FREM1: variants seen among roughly 807,000 people sequenced by gnomAD.
FREM1 encodes the protein FRAS1 related extracellular matrix 1.
A neutral mutation model predicts 210.1 loss-of-function variants in FREM1; 220 were observed. The ratio of observed to expected loss-of-function variants is 1.05; its 90% CI spans 0.94 to 1.17. FREM1 has a LOEUF of 1.17. FREM1 is among the 50% of genes most tolerant of loss of function. FREM1 has a pLI of 0.00. For missense variants in FREM1, 3,454 were observed against 2,675.5 expected (o/e 1.29, Z -6.42); for synonymous variants, 1,189 against 980.2 (o/e 1.21, Z -3.98).
chr9:14,752,405 T>C (rs902031608), intron 29 of FREM1, among the ~76,000 whole-genome samples: 1 of 151,246 alleles, frequency 6.6e-6, no homozygotes, highest in East Asian at 1.9e-4. Context: ...AGAGGTTACA[T>C]GGGTGGACAG....
chr9:14,760,993 G>C (rs1845398094), intron 27 of FREM1, among the ~76,000 whole-genome samples: 1 of 152,104 alleles, frequency 6.6e-6, no homozygotes, highest in Admixed American at 6.5e-5. Context: ...CTTAGTGGTT[G>C]CCTTACTTGT....
chr9:14,759,674 T>G, intron 28 of FREM1, 98 bp downstream of exon 28: 2 of 1,195,468 alleles, frequency 1.7e-6, no homozygotes, highest in Middle Eastern at 2.1e-4. Flanking sequence ...ATTTGAAATT[T>G]CCTTGGTCAC....
At chr9:14,852,525 A>C (rs180800061) in intron 5 of FREM1, among the ~76,000 whole-genome samples, 26 of 152,246 alleles carry the variant, frequency 1.7e-4, no homozygotes, top group Admixed American at 3.9e-4. Context: ...CTATCTCTAC[A>C]AAAAAAGTAA....
chr9:14,878,682 C>G (rs10810281), intron 1 of FREM1, among the ~76,000 whole-genome samples: 3 of 152,112 alleles, frequency 2.0e-5, no homozygotes, highest in Admixed American at 6.5e-5. Context: ...ATGTCCCTCA[C>G]GAAGATGTTA....
intron 8 of FREM1, among the ~76,000 whole-genome samples, chr9:14,844,471 G>C (rs59624633): frequency 1.3e-5 from 2 of 151,898 alleles, no homozygotes; most frequent in Admixed American, 1.3e-4. Context: ...GTGATCTGCC[G>C]GTCTCGGCCT....
intron 23 of FREM1, among the ~76,000 whole-genome samples, chr9:14,786,172 C>G (rs1012348641): frequency 6.6e-6 from 1 of 152,140 alleles, no homozygotes; most frequent in Admixed American, 6.5e-5. Context: ...AATGAGGAAG[C>G]TAAGGTATAG....
chr9:14,787,184 CTT>C (rs1850551893), intron 23 of FREM1, among the ~76,000 whole-genome samples: 1 of 152,154 alleles, frequency 6.6e-6, no homozygotes, highest in African/African-American at 2.4e-5. Flanking sequence ...AAATCTAACT[CTT>C]TAGTATAGTC....
At chr9:14,909,161 A>T (rs1818300879) in intron 1 of FREM1, among the ~76,000 whole-genome samples, 1 of 152,204 alleles carries the variant, frequency 6.6e-6, no homozygotes, top group Non-Finnish European at 1.5e-5. Flanking sequence ...TTTGTAATGC[A>T]CACCAAGCAA....
Position 14,792,611 on chromosome 9 carries a change from T to C in FREM1, c.3981+132A>G, listed in dbSNP as rs1851622066. On this transcript the variant is annotated intron_variant, in intron 22 of 36. Coordinates refer to ENST00000380880, the MANE Select transcript of FREM1 (RefSeq NM_001379081.2). Reference sequence around the variant, plus strand: ...ACAGCATGAATTCACCCTGAACTAGTAAAATTAAATTTTCTACTTCTAGGC... The same window carrying C: ...ACAGCATGAATTCACCCTGAACTAGCAAAATTAAATTTTCTACTTCTAGGC... 5 of 646,228 alleles carry C rather than the reference T, an allele frequency of 7.7e-6. No homozygotes were observed. In the East Asian group the frequency reaches 1.5e-4, roughly 19 times the overall value. 40.0% of individuals were successfully genotyped at this position (646,228 alleles called of 1,614,324 possible). A position where few individuals can be genotyped will look rare whatever the true frequency, so the allele number is the denominator to read the frequency against.
At position 14,769,840 on chromosome 9, in the gene FREM1, T is replaced by C. The variant is rs1430074400; in HGVS notation, c.5088A>G (p.Gln1696=). ...TGEFIHEKFS[Q]KDLNSKTILY... The stretch of plus-strand genomic sequence containing the variant: ...GAATAGTCTTACTGTTTAAGTCCTT[T>C]TGGCTAAATTTCTCATGGATAAATT... The change falls in exon 27 of 37, where the codon CAA becomes CAG. Residue 1696 remains glutamine (Q), a synonymous_variant. Coordinates refer to ENST00000380880, the MANE Select transcript of FREM1 (RefSeq NM_001379081.2). 1 of 1,568,406 alleles carries C rather than the reference T, an allele frequency of 6.4e-7. No homozygotes were observed. Among genetic ancestry groups the C allele is most frequent in the East Asian group, 2.3e-5 (1 of 43,172 alleles).
rs184395979 is a variant in FREM1 at position 14,778,745 on chromosome 9, G to A, written c.4443-2542C>T. On this transcript the variant is annotated intron_variant, in intron 24 of 36. Transcript: ENST00000380880. ...GAAGGGAAGGGAAGGGAAGGGAAGG[G>A]AAGGAAAGGAAAGGAAGTCAGGCGC... Among the ~76,000 whole-genome samples the A allele has an allele frequency of 3.0e-4, 42 of 138,688 alleles. No homozygotes were observed. The South Asian group carries it at 4.7e-3, about 16-fold the overall frequency. 91.0% of individuals were successfully genotyped at this position (138,688 alleles called of 152,430 possible). A position where few individuals can be genotyped will look rare whatever the true frequency, so the allele number is the denominator to read the frequency against.
chr9:14,865,462 T>C (rs1831326911), intron 2 of FREM1, among the ~76,000 whole-genome samples: 2 of 152,236 alleles, frequency 1.3e-5, no homozygotes, highest in African/African-American at 4.8e-5. Context: ...AATGAACCTG[T>C]TGATCCTAAG....
intron 27 of FREM1, among the ~76,000 whole-genome samples, chr9:14,760,319 T>C (rs944785163): frequency 2.6e-5 from 4 of 152,198 alleles, no homozygotes; most frequent in East Asian, 1.9e-4. Context: ...ATAAGGATAA[T>C]TGGTACAACA....
At chr9:14,874,956 G>A (rs1381850372) in intron 1 of FREM1, among the ~76,000 whole-genome samples, 1 of 152,122 alleles carries the variant, frequency 6.6e-6, no homozygotes, top group Non-Finnish European at 1.5e-5. Flanking sequence ...TGAAATTCTG[G>A]GTTGAAAATT....
At chr9:14,903,965 C>A (rs1353231303) in intron 1 of FREM1, among the ~76,000 whole-genome samples, 1 of 151,624 alleles carries the variant, frequency 6.6e-6, no homozygotes, top group Non-Finnish European at 1.5e-5. Flanking sequence ...ACTAAAAATA[C>A]AAAAAAATTA....
intron 27 of FREM1, among the ~76,000 whole-genome samples, chr9:14,764,153 T>C (rs1845993847): frequency 6.6e-6 from 1 of 152,202 alleles, no homozygotes; most frequent in Non-Finnish European, 1.5e-5. Flanking sequence ...GGGTTTCCCT[T>C]TTCACTTGGC....
intron 1 of FREM1, among the ~76,000 whole-genome samples, chr9:14,878,090 C>T (rs1372565826): frequency 2.0e-5 from 3 of 152,174 alleles, no homozygotes; most frequent in Admixed American, 6.5e-5. Context: ...CTCGGCATCA[C>T]AGTCAGTATT....
rs58017285 is a variant in FREM1, at chr9:14,780,433, G to GAAAAAAAAAAAAAAAAAAAAAAAA, written c.4442+3936_4442+3937insTTTTTTTTTTTTTTTTTTTTTTTT. Among the ~76,000 whole-genome samples, 13 of 81,542 alleles carry GAAAAAAAAAAAAAAAAAAAAAAAA rather than the reference G, an allele frequency of 1.6e-4. 1 individual carries two copies. The highest frequency in any genetic ancestry group is 2.6e-4 in the African/African-American group (6 of 23,518). The allele number at this position is 81,542 out of a possible 152,430, so 53.5% of individuals were successfully genotyped here. ...AATCATAAATAGCGCCAGCTCCTCA[G>GAAAAAAAAAAAAAAAAAAAAAAAA]AAAAAAAAAAAAAAAAAGTCCAGCC... On this transcript the variant is annotated intron_variant, in intron 24 of 36. Coordinates refer to ENST00000380880, the MANE Select transcript of FREM1 (RefSeq NM_001379081.2).
intron 29 of FREM1, among the ~76,000 whole-genome samples, chr9:14,753,565 T>G (rs1843747085): frequency 6.6e-6 from 1 of 152,236 alleles, no homozygotes; most frequent in Non-Finnish European, 1.5e-5. Context: ...TCCTTCCAGC[T>G]CCCACGTAAG....
Sources: gnomAD v4.1 joint callset for allele counts (sites outside exome capture counted in the v4.1 genomes callset) on GRCh38, gnomAD v4.1.1 for gene constraint, MANE v1.5 for transcripts, NCBI Gene and HGNC (gene_info 2026-07-23, HGNC 2026-07-21) for gene names.